Variants in MMP24 observed in about 807,000 individuals in gnomAD.
MMP24 encodes the protein matrix metallopeptidase 24, also known as matrix metalloproteinase-24.
Under a neutral mutation model 62.8 loss-of-function variants are expected in MMP24, and 25 were observed. The ratio of observed to expected loss-of-function variants is 0.40; its 90% CI spans 0.29 to 0.56. The LOEUF is 0.56. Ranked by LOEUF, MMP24 falls within the 20% of genes least tolerant of loss-of-function variation. The probability of loss-of-function intolerance (pLI) is 0.50; values close to 1 mark genes in which losing one functional copy is unlikely to be tolerated. For synonymous variants in MMP24, 319 were observed against 350.5 expected (o/e 0.91, Z 1.00); for missense variants, 634 against 853.6 (o/e 0.74, Z 3.21).
rs747017137 is a variant in MMP24, at chr20:35,274,361, C to T, written c.1690C>T (p.Arg564Cys). The part of the protein sequence containing the change: ...VEPGYPRNIL[R>C]DWMGCNQKEV... ...GCCAGGCTACCCGCGCAACATCCTG[C>T]GTGACTGGATGGGCTGCAACCAGAA... The change falls in exon 9 of 9, where the codon CGT (arginine) becomes TGT (cysteine). Residue 564 changes from arginine to cysteine, a missense_variant. By Grantham distance (180) the Arg-to-Cys change is radical (BLOSUM62 -3). Coordinates refer to ENST00000246186, the MANE Select transcript of MMP24 (RefSeq NM_006690.4). This position sits in a 1 kb window ranked among gnomAD's most constrained non-coding sequence, Gnocchi z 5.1. The T allele has an allele frequency of 1.2e-6, 2 of 1,613,976 alleles. No individual in the cohort carries two copies. The highest frequency in any genetic ancestry group is 1.7e-5 in the Admixed American group (1 of 60,032).
intron 1 of MMP24, among the ~76,000 whole-genome samples, chr20:35,241,603 C>G (rs6120880): frequency 0.57 from 86,299 of 152,038 alleles, 27,808 homozygotes; most frequent in African/African-American, 0.89. Context: ...GATGTGGCCA[C>G]GATAGACTCT....
Position 35,274,997 on chromosome 20 carries a change from T to G in MMP24, c.*388T>G. 4.6e-6 allele frequency: 1 copy of G among 216,768 alleles called. No homozygotes were observed. The allele number at this position is 216,768 out of a possible 1,614,324, so 13.4% of individuals were successfully genotyped here. Reference sequence around the variant, plus strand: ...AGCACCCTCTGTGGGAAGCCAGCACTAGCTCTCATCCCCCATCCGGGAGAT... The same window carrying G: ...AGCACCCTCTGTGGGAAGCCAGCACGAGCTCTCATCCCCCATCCGGGAGAT... On this transcript the variant is annotated 3_prime_UTR_variant, in exon 9 of 9. Transcript: ENST00000246186. The surrounding 1 kb of genome is among the most constrained non-coding windows in gnomAD (Gnocchi z 5.1).
intron 2 of MMP24, among the ~76,000 whole-genome samples, chr20:35,248,550 G>A (rs865874020): frequency 1.3e-5 from 2 of 151,822 alleles, no homozygotes; most frequent in South Asian, 2.1e-4. Flanking sequence ...TCAGGTGATC[G>A]GCCCACCTCG....
chr20:35,257,574 C>T (rs1183665426), intron 4 of MMP24, among the ~76,000 whole-genome samples: 1 of 152,210 alleles, frequency 6.6e-6, no homozygotes, highest in African/African-American at 2.4e-5. Context: ...CTCCTCTGCC[C>T]TCCCCTTCTG....
chr20:35,274,148 C>A lies in MMP24; in HGVS notation c.1601-124C>A. 1 of 962,864 alleles carries A rather than the reference C, an allele frequency of 1.0e-6. No homozygotes were observed. Among genetic ancestry groups the A allele is most frequent in the Non-Finnish European group, 1.5e-6 (1 of 650,078 alleles). The allele number at this position is 962,864 out of a possible 1,614,324, so 59.6% of individuals were successfully genotyped here. A position where few individuals can be genotyped will look rare whatever the true frequency, so the allele number is the denominator to read the frequency against. ...CCATGACTCAGCCAAGCACTGCACC[C>A]CAAACCTCCAGGTGTGCCCACCTTG... On this transcript the variant is annotated intron_variant, in intron 8 of 8. Transcript: ENST00000246186. The surrounding 1 kb of genome is among the most constrained non-coding windows in gnomAD (Gnocchi z 5.1).
In MMP24 at chr20:35,271,845, G is replaced by A. The variant is rs1425188521; in HGVS notation, c.1600+10G>A. 2.5e-6 allele frequency: 4 copies of A among 1,603,532 alleles called. No homozygotes were observed. The highest frequency in any genetic ancestry group is 1.1e-5 in the South Asian group (1 of 90,146). On this transcript the variant is annotated intron_variant, in intron 8 of 8. Transcript: ENST00000246186. The surrounding 1 kb of genome is among the most constrained non-coding windows in gnomAD (Gnocchi z 4.0). Reference sequence around the variant, plus strand: ...ATCAGCAAGGAAGGATGTACGTAAGGGCCGGGCCAGGGTGGGCATGGGGAG... The same window carrying A: ...ATCAGCAAGGAAGGATGTACGTAAGAGCCGGGCCAGGGTGGGCATGGGGAG...
intron 1 of MMP24, among the ~76,000 whole-genome samples, chr20:35,242,946 G>A (rs1012532359): frequency 6.6e-6 from 1 of 152,176 alleles, no homozygotes; most frequent in African/African-American, 2.4e-5. Context: ...GGGAGGCCAA[G>A]GCAGGTGTAT....
chr20:35,235,967 A>C (rs2146202105), intron 1 of MMP24: 1 of 152,114 alleles, frequency 6.6e-6, no homozygotes, highest in African/African-American at 2.4e-5. Context: ...CTGACCCAAA[A>C]CCCCAAATGT....
At chr20:35,261,414 G>GA (rs2060602062) in intron 4 of MMP24, among the ~76,000 whole-genome samples, 1 of 152,226 alleles carries the variant, frequency 6.6e-6, no homozygotes, top group South Asian at 2.1e-4. Context: ...GGTGAGGTAG[G>GA]TCTGATGCCC....
intron 8 of MMP24, among the ~76,000 whole-genome samples, chr20:35,273,931 C>T (rs950911392): frequency 6.6e-6 from 1 of 152,134 alleles, no homozygotes. Context: ...CCCACATGAG[C>T]GGGGCAAGGG....
intron 4 of MMP24, among the ~76,000 whole-genome samples, chr20:35,262,061 C>T (rs1311400242): frequency 6.6e-6 from 1 of 152,148 alleles, no homozygotes; most frequent in Non-Finnish European, 1.5e-5. Context: ...ATCAGCCTCC[C>T]AAAGTGCTGG....
intron 1 of MMP24, among the ~76,000 whole-genome samples, chr20:35,244,222 T>C (rs1328495630): frequency 1.3e-5 from 2 of 152,224 alleles, no homozygotes; most frequent in Non-Finnish European, 1.5e-5. Flanking sequence ...TTCCCCAGGC[T>C]CTTTTCCCTT....
Position 35,262,543 on chromosome 20 carries a change from C to G in MMP24, c.818-1248C>G, listed in dbSNP as rs150219893. Among the ~76,000 whole-genome samples the G allele has an allele frequency of 2.7e-3, 401 of 151,220 alleles. 1 individual carries two copies. Among genetic ancestry groups the G allele is most frequent in the African/African-American group, 8.8e-3 (355 of 40,560 alleles). On this transcript the variant is annotated intron_variant, in intron 4 of 8. Transcript: ENST00000246186. ...TTTTTCCCTATCTCAGTAGATGGAG[C>G]ATACAACCGGGTTTTATACCGAGAC...
At position 35,269,807 on chromosome 20, in the gene MMP24, C is replaced by T; in HGVS notation, c.1242C>T (p.Tyr414=). The T allele has an allele frequency of 6.4e-7, 1 of 1,569,944 alleles. No homozygotes were observed. Among genetic ancestry groups the T allele is most frequent in the Non-Finnish European group, 8.6e-7 (1 of 1,157,866 alleles). ...GCAATAACCGAGTGCAGGAGGGCTA[C>T]CCCATGCAGATCGAGCAGTTCTGGA... ...RLRNNRVQEG[Y]PMQIEQFWKG... is the part of the protein sequence containing the mutation. Residue 414 remains tyrosine (Y), a synonymous_variant, in exon 7 of 9, where the codon TAC becomes TAT. Transcript: ENST00000246186. This position sits in a 1 kb window ranked among gnomAD's most constrained non-coding sequence, Gnocchi z 4.6.
chr20:35,273,794 TGTGAA>T (rs72264895), intron 8 of MMP24, among the ~76,000 whole-genome samples: 4,993 of 152,276 alleles, frequency 0.033, 98 homozygotes, highest in Middle Eastern at 0.054. Flanking sequence ...GCATCTGTGT[TGTGAA>T]GTGATGTGTG....
At chr20:35,252,130 T>C (rs1474263500) in intron 3 of MMP24, 109 bp downstream of exon 3, 1 of 894,236 alleles carries the variant, frequency 1.1e-6, no homozygotes, top group East Asian at 2.5e-5. Flanking sequence ...GGATCAGGCT[T>C]ACAACATAGG....
At chr20:35,245,949 C>CACAT (rs1287015384) in intron 1 of MMP24, among the ~76,000 whole-genome samples, 1 of 151,968 alleles carries the variant, frequency 6.6e-6, no homozygotes, top group African/African-American at 2.4e-5. Context: ...TTTCTATGCA[C>CACAT]ACATGATTTA....
Position 35,276,390 on chromosome 20 carries a change from T to G in MMP24, c.*1781T>G, listed in dbSNP as rs908620266. The G allele has an allele frequency of 1.0e-5, 4 of 398,426 alleles. No homozygotes were observed. Among genetic ancestry groups the G allele is most frequent in the Non-Finnish European group, 1.8e-5 (4 of 226,036 alleles). 24.7% of individuals were successfully genotyped at this position (398,426 alleles called of 1,614,324 possible). On this transcript the variant is annotated 3_prime_UTR_variant, in exon 9 of 9. Coordinates refer to ENST00000246186, the MANE Select transcript of MMP24 (RefSeq NM_006690.4). ...AAAGCACTTTATTAGCTCACACCTG[T>G]CCACTCACATGAAACTCGTGTTAGG...
intron 1 of MMP24, among the ~76,000 whole-genome samples, chr20:35,227,508 G>A (rs899664428): frequency 6.6e-6 from 1 of 151,932 alleles, no homozygotes; most frequent in Admixed American, 6.6e-5. Context: ...AGCGGGAGTG[G>A]GGGTTGCAAG....
Sources: gnomAD v4.1 joint callset for allele counts (sites outside exome capture counted in the v4.1 genomes callset) on GRCh38, gnomAD v4.1.1 for gene constraint, Gnocchi (gnomAD v3.1) non-coding constraint, MANE v1.5 for transcripts, NCBI Gene and HGNC (gene_info 2026-07-23, HGNC 2026-07-21) for gene names.